Variants in NPFFR2 observed in about 807,000 individuals in gnomAD.
NPFFR2 encodes the protein G-protein coupled receptor 74.
In NPFFR2, 15 loss-of-function variants were observed where a neutral mutation model predicts 13.1. That is an observed-to-expected ratio of 1.15 (90% CI 0.77 to 1.76). The LOEUF is 1.76. Among genes scored for constraint, NPFFR2 ranks in the 40% most tolerant of loss-of-function variants. The pLI, the probability that NPFFR2 is intolerant of heterozygous loss-of-function variation, is 0.00. For missense variants in NPFFR2, 572 were observed against 503.5 expected, an observed-to-expected ratio of 1.14 and a Z score of -1.30; for synonymous variants, 190 against 175.7, an observed-to-expected ratio of 1.08 and a Z score of -0.65.
At chr4:72,105,801 A>G (rs768444553) in intron 1 of NPFFR2, among the ~76,000 whole-genome samples, 2 of 152,100 alleles carry the variant, frequency 1.3e-5, no homozygotes, top group Non-Finnish European at 2.9e-5. Flanking sequence ...CCAATTTCAA[A>G]ACCTTAAATA....
chr4:72,124,621 A>G (rs188752306), intron 1 of NPFFR2, among the ~76,000 whole-genome samples: 1 of 152,294 alleles, frequency 6.6e-6, no homozygotes, highest in East Asian at 1.9e-4. Flanking sequence ...ATAATGCCAC[A>G]TATCTACAAC....
chr4:72,088,508 T>A (rs994832437), intron 1 of NPFFR2, among the ~76,000 whole-genome samples: 7 of 152,154 alleles, frequency 4.6e-5, no homozygotes, highest in African/African-American at 1.7e-4. Flanking sequence ...TACATACTTC[T>A]ATGTGTATGT....
intron 1 of NPFFR2, among the ~76,000 whole-genome samples, chr4:72,054,012 ATAT>A (rs1285836820): frequency 1.3e-5 from 2 of 151,924 alleles, no homozygotes; most frequent in East Asian, 1.9e-4. Flanking sequence ...GAGAAACTCA[ATAT>A]TATTAAGATT....
At chr4:72,048,447 C>CT (rs1163226212) in intron 1 of NPFFR2, among the ~76,000 whole-genome samples, 1 of 152,106 alleles carries the variant, frequency 6.6e-6, no homozygotes, top group African/African-American at 2.4e-5. Flanking sequence ...TTCTTGGCCT[C>CT]TTATTTTCTC....
intron 1 of NPFFR2, among the ~76,000 whole-genome samples, chr4:72,064,076 G>C (rs1448700623): frequency 6.6e-6 from 1 of 152,184 alleles, no homozygotes; most frequent in African/African-American, 2.4e-5. Flanking sequence ...CACCCACCAG[G>C]AACATGGATA....
chr4:72,032,140 G>A lies in NPFFR2; in HGVS notation c.-68G>A. ...TGGAGCCGGAGCAGGGACAGAACCT[G>A]TTGCTGCAGACGGGCTTGGTGGATT... is the stretch of plus-strand genomic sequence containing the variant. On this transcript the variant is annotated 5_prime_UTR_variant, in exon 1 of 4. Transcript: ENST00000308744. 1.2e-6 allele frequency: 2 copies of A among 1,614,074 alleles called. No individual in the cohort carries two copies. The highest frequency in any genetic ancestry group is 1.1e-5 in the South Asian group (1 of 91,052).
chr4:72,090,173 A>T (rs1006969798), intron 1 of NPFFR2, among the ~76,000 whole-genome samples: 3 of 152,060 alleles, frequency 2.0e-5, no homozygotes, highest in Non-Finnish European at 4.4e-5. Context: ...ATTCTGTTCC[A>T]TTGGTCTATT....
intron 1 of NPFFR2, among the ~76,000 whole-genome samples, chr4:72,081,718 T>A (rs1720627905): frequency 6.6e-6 from 1 of 152,044 alleles, no homozygotes; most frequent in African/African-American, 2.4e-5. Flanking sequence ...CTTGAGCCTC[T>A]GGGCTCAAGC....
At chr4:72,097,138 G>A (rs567296104) in intron 1 of NPFFR2, among the ~76,000 whole-genome samples, 1 of 151,926 alleles carries the variant, frequency 6.6e-6, no homozygotes, top group African/African-American at 2.4e-5. Flanking sequence ...TCTTTCTAAA[G>A]TACATTCCAT....
In NPFFR2 at chr4:72,032,141, T is replaced by C. The variant is rs762481095; in HGVS notation, c.-67T>C. On this transcript the variant is annotated 5_prime_UTR_variant, in exon 1 of 4. Transcript: ENST00000308744. ...GGAGCCGGAGCAGGGACAGAACCTG[T>C]TGCTGCAGACGGGCTTGGTGGATTC... is the stretch of plus-strand genomic sequence containing the variant. 3.1e-6 allele frequency: 5 copies of C among 1,614,044 alleles called. No individual in the cohort carries two copies. The highest frequency in any genetic ancestry group is 2.2e-5 in the East Asian group (1 of 44,860).
rs548218303 is a variant in NPFFR2, at chr4:72,148,230, G to T, written c.*418G>T. ...CTTTGATTTTGGATTTAAAATTTTA[G>T]ATTACAAGACTATTACTCTGCTTAT... is the stretch of plus-strand genomic sequence containing the variant. On this transcript the variant is annotated 3_prime_UTR_variant, in exon 4 of 4. Coordinates refer to ENST00000308744, the MANE Select transcript of NPFFR2 (RefSeq NM_004885.3). 6.6e-6 allele frequency among the ~76,000 whole-genome samples: 1 copy of T among 152,314 alleles called. No homozygotes were observed. Among genetic ancestry groups the T allele is most frequent in the East Asian group, 1.9e-4 (1 of 5,182 alleles).
intron 1 of NPFFR2, among the ~76,000 whole-genome samples, chr4:72,088,907 C>G (rs942757806): frequency 2.0e-5 from 3 of 151,732 alleles, no homozygotes; most frequent in African/African-American, 7.3e-5. Flanking sequence ...GTGGTAATTT[C>G]TGAGATTTTG....
At position 72,138,027 on chromosome 4, in the gene NPFFR2, A is replaced by C; in HGVS notation, c.329-13A>C. Reference sequence around the variant, plus strand: ...ATATGATCTTTTGAAAGACTGTTTCATTTTCCTTTCAGGATGGCCATTTGG... The same window carrying C: ...ATATGATCTTTTGAAAGACTGTTTCCTTTTCCTTTCAGGATGGCCATTTGG... On this transcript the variant is annotated splice_polypyrimidine_tract_variant and intron_variant, in intron 2 of 3. Transcript: ENST00000308744. 6.3e-7 allele frequency: 1 copy of C among 1,593,986 alleles called. No homozygotes were observed. The highest frequency in any genetic ancestry group is 8.6e-7 in the Non-Finnish European group (1 of 1,163,918).
At chr4:72,050,084 G>T (rs956045581) in intron 1 of NPFFR2, among the ~76,000 whole-genome samples, 8 of 151,900 alleles carry the variant, frequency 5.3e-5, no homozygotes, top group Non-Finnish European at 1.0e-4. Flanking sequence ...AATCATTAGT[G>T]GCCAATGATT....
chr4:72,108,675 TTCAAA>T (rs1191260614), intron 1 of NPFFR2, among the ~76,000 whole-genome samples: 3 of 152,038 alleles, frequency 2.0e-5, no homozygotes, highest in Non-Finnish European at 4.4e-5. Context: ...ATAGATCTTG[TTCAAA>T]TCAACAAGAT....
rs374310175 is a variant in NPFFR2 at position 72,097,015 on chromosome 4, T to A, written c.-7-31570T>A. ...TAATGCTTATAATAATAATAAATGT[T>A]CTATCAGGTATTATAGAATACTAGA... On this transcript the variant is annotated intron_variant, in intron 1 of 3. Coordinates refer to ENST00000308744, the MANE Select transcript of NPFFR2 (RefSeq NM_004885.3). Among the ~76,000 whole-genome samples the A allele has an allele frequency of 8.5e-5, 13 of 152,152 alleles. No individual in the cohort carries two copies. The East Asian group carries it at 1.9e-3, about 23-fold the overall frequency.
At chr4:72,106,450 A>G (rs1016265010) in intron 1 of NPFFR2, among the ~76,000 whole-genome samples, 9 of 152,126 alleles carry the variant, frequency 5.9e-5, no homozygotes, top group African/African-American at 1.4e-4. Context: ...AGCAGCAGCC[A>G]GAGATGAATT....
At chr4:72,105,816 G>C (rs552400164) in intron 1 of NPFFR2, among the ~76,000 whole-genome samples, 17 of 152,030 alleles carry the variant, frequency 1.1e-4, no homozygotes, top group African/African-American at 4.1e-4. Context: ...TAAATATAAT[G>C]AATGTCACAT....
intron 1 of NPFFR2, among the ~76,000 whole-genome samples, chr4:72,034,018 T>A (rs2109750153): frequency 6.6e-6 from 1 of 152,322 alleles, no homozygotes; most frequent in East Asian, 1.9e-4. Context: ...AAAATGGATT[T>A]CCAGCTGTAA....
Sources: gnomAD v4.1 joint callset for allele counts (sites outside exome capture counted in the v4.1 genomes callset) on GRCh38, gnomAD v4.1.1 for gene constraint, MANE v1.5 for transcripts, NCBI Gene and HGNC (gene_info 2026-07-23, HGNC 2026-07-21) for gene names.